Variants in ASAP2 observed in about 807,000 individuals in gnomAD.
ASAP2 encodes ArfGAP with SH3 domain, ankyrin repeat and PH domain 2.
A neutral mutation model predicts 131.4 loss-of-function variants in ASAP2; 45 were observed. The observed-to-expected ratio is 0.34, with a 90% CI of 0.27 to 0.44. ASAP2 has a LOEUF of 0.44. ASAP2 is among the 20% of genes least tolerant of loss of function. ASAP2 has a pLI of 1.00. For missense variants in ASAP2, 1,011 were observed against 1,297.0 expected, an observed-to-expected ratio of 0.78 and a Z score of 3.39; for synonymous variants, 510 against 503.0, an observed-to-expected ratio of 1.01 and a Z score of -0.19.
intron 21 of ASAP2, among the ~76,000 whole-genome samples, chr2:9,388,029 G>T (rs1675420063): frequency 6.6e-6 from 1 of 152,214 alleles, no homozygotes. Context: ...GACAAGTGAA[G>T]ATTACAATTC....
intron 2 of ASAP2, among the ~76,000 whole-genome samples, chr2:9,292,775 C>G (rs1380284301): frequency 6.6e-6 from 1 of 152,228 alleles, no homozygotes; most frequent in African/African-American, 2.4e-5. Context: ...GCATTCATCC[C>G]AGCCATGAGC....
intron 1 of ASAP2, among the ~76,000 whole-genome samples, chr2:9,234,533 A>G (rs1191779872): frequency 1.3e-5 from 2 of 152,162 alleles, no homozygotes; most frequent in Non-Finnish European, 2.9e-5. Context: ...GGCAGCTGGG[A>G]CATTGTCATG....
rs201955790 is a variant in ASAP2, at chr2:9,245,931, GC to G, written c.127-33382del. On this transcript the variant is annotated intron_variant, in intron 1 of 27. Coordinates refer to ENST00000281419, the MANE Select transcript of ASAP2 (RefSeq NM_003887.3). The stretch of plus-strand genomic sequence containing the variant: ...TGGGGCTTGGATGCAAGAGGAGTGA[GC>G]CCCACATTTGATTATATAATAATTA... Among the ~76,000 whole-genome samples, 1,266 of 152,238 alleles carry G rather than the reference GC, an allele frequency of 8.3e-3. 20 individuals are homozygous for G. The highest frequency in any genetic ancestry group is 0.029 in the African/African-American group (1,210 of 41,526).
chr2:9,254,804 T>C (rs1665046172), intron 1 of ASAP2, among the ~76,000 whole-genome samples: 1 of 152,218 alleles, frequency 6.6e-6, no homozygotes, highest in South Asian at 2.1e-4. Flanking sequence ...TAAGCGGTAC[T>C]ACTTGTTATC....
intron 1 of ASAP2, among the ~76,000 whole-genome samples, chr2:9,266,010 G>A (rs191565901): frequency 1.6e-3 from 238 of 146,208 alleles, no homozygotes; most frequent in African/African-American, 5.5e-3. Context: ...CTGACCTCAA[G>A]TGATCCACCC....
intron 3 of ASAP2, among the ~76,000 whole-genome samples, chr2:9,317,333 TC>T (rs1669790293): frequency 2.5e-4 from 2 of 7,976 alleles, no homozygotes; most frequent in South Asian, 8.8e-3. Context: ...AATCATATCT[TC>T]ACTCACACAC....
chr2:9,207,866 C>T lies in ASAP2; in HGVS notation c.126+636C>T, dbSNP rs148287848. On this transcript the variant is annotated intron_variant, in intron 1 of 27. Coordinates refer to ENST00000281419, the MANE Select transcript of ASAP2 (RefSeq NM_003887.3). The surrounding 1 kb of genome is among the most constrained non-coding windows in gnomAD (Gnocchi z 4.1). Reference sequence around the variant, plus strand: ...AGCCGCTCCCCGGTTACCTGGGTCTCACCTGCTTGAACCCGGAATGCCGCC... The same window carrying T: ...AGCCGCTCCCCGGTTACCTGGGTCTTACCTGCTTGAACCCGGAATGCCGCC... 1.2e-4 allele frequency among the ~76,000 whole-genome samples: 18 copies of T among 152,308 alleles called. No homozygotes were observed. The East Asian group carries it at 3.5e-3, about 29-fold the overall frequency.
intron 3 of ASAP2, among the ~76,000 whole-genome samples, chr2:9,313,379 G>A (rs1669437000): frequency 6.6e-6 from 1 of 152,320 alleles, no homozygotes; most frequent in Admixed American, 6.5e-5. Flanking sequence ...CTTTTTCTCT[G>A]CTGCAGAGAA....
At chr2:9,394,575 A>G (rs1205465403) in intron 24 of ASAP2, among the ~76,000 whole-genome samples, 2 of 152,176 alleles carry the variant, frequency 1.3e-5, no homozygotes, top group Admixed American at 6.5e-5. Context: ...CTGCTCCCAC[A>G]CAGGCCCTCT....
In ASAP2 at chr2:9,230,284, C is replaced by A. The variant is rs528501815; in HGVS notation, c.126+23054C>A. Among the ~76,000 whole-genome samples the A allele has an allele frequency of 5.9e-5, 9 of 152,328 alleles. No homozygotes were observed. In the South Asian group the frequency reaches 1.9e-3, roughly 32 times the overall value. On this transcript the variant is annotated intron_variant, in intron 1 of 27. Transcript: ENST00000281419. ...CAGGAGTGAACAGGGCTTGTTTGCT[C>A]AGGGTCTGGCCAGGGACCCAGAGGA...
chr2:9,254,864 T>C (rs1300053612), intron 1 of ASAP2, among the ~76,000 whole-genome samples: 1 of 152,230 alleles, frequency 6.6e-6, no homozygotes, highest in Non-Finnish European at 1.5e-5. Flanking sequence ...TTGGCTATTA[T>C]GGATAAAGCT....
intron 1 of ASAP2, among the ~76,000 whole-genome samples, chr2:9,257,776 G>A (rs188001860): frequency 1.0e-3 from 154 of 152,176 alleles, no homozygotes; most frequent in African/African-American, 3.5e-3. Context: ...CGCCCGCCTC[G>A]GCCTCCCAAA....
intron 1 of ASAP2, among the ~76,000 whole-genome samples, chr2:9,254,252 TATAC>T (rs1664961772): frequency 1.2e-5 from 1 of 85,668 alleles, no homozygotes; most frequent in African/African-American, 5.2e-5. Context: ...TATATATATA[TATAC>T]ACGTGTGTGT....
intron 1 of ASAP2, among the ~76,000 whole-genome samples, chr2:9,253,274 G>T (rs776748840): frequency 6.6e-6 from 1 of 151,758 alleles, no homozygotes; most frequent in African/African-American, 2.4e-5. Context: ...AGCGATTCTC[G>T]TGCGTCAGCC....
chr2:9,229,397 T>A (rs1179522910), intron 1 of ASAP2, among the ~76,000 whole-genome samples: 2 of 152,168 alleles, frequency 1.3e-5, no homozygotes, highest in East Asian at 3.9e-4. Flanking sequence ...GACTGAGGGA[T>A]TTCCCCTGTC....
rs888180315 is a variant in ASAP2 at position 9,393,656 on chromosome 2, C to T, written c.2684+9C>T. 2 of 1,558,036 alleles carry T rather than the reference C, an allele frequency of 1.3e-6. No homozygotes were observed. The highest frequency in any genetic ancestry group is 1.4e-5 in the African/African-American group (1 of 73,670). On this transcript the variant is annotated intron_variant, in intron 24 of 27. Coordinates refer to ENST00000281419, the MANE Select transcript of ASAP2 (RefSeq NM_003887.3). ...AAGAAGCCTGCGCCGGGGTAAGCCA[C>T]CCCCAGCCAGCTCGGCCATCCGTGC...
chr2:9,327,465 C>G (rs3828264), intron 6 of ASAP2, among the ~76,000 whole-genome samples: 1,746 of 152,208 alleles, frequency 0.011, 63 homozygotes, highest in Admixed American at 0.075. Context: ...GTTATTGTTC[C>G]TAAAGTAAGG....
At chr2:9,399,105 T>C (rs1247337990) in intron 24 of ASAP2, 1 of 152,198 alleles carries the variant, frequency 6.6e-6, no homozygotes, top group South Asian at 2.1e-4. Context: ...GCAAAACCCA[T>C]GTGATGTTTT....
At chr2:9,397,746 ATATATTTTTTTTTTTT>A (rs1285156250) in intron 24 of ASAP2, among the ~76,000 whole-genome samples, 2 of 78,824 alleles carry the variant, frequency 2.5e-5, no homozygotes, top group African/African-American at 9.7e-5. Context: ...ATATATATAT[ATATATTTTTTTTTTTT>A]TTTTTTTTTT....
Sources: allele counts gnomAD v4.1 joint callset (sites outside exome capture counted in the v4.1 genomes callset), GRCh38; gene constraint gnomAD v4.1.1; non-coding constraint Gnocchi (gnomAD v3.1); transcripts MANE v1.5; gene names NCBI Gene and HGNC (gene_info 2026-07-23, HGNC 2026-07-21).